Variants in BEST1 observed in about 807,000 individuals in gnomAD.
BEST1 encodes the protein bestrophin-1.
Under a neutral mutation model 63.3 loss-of-function variants are expected in BEST1, and 58 were observed. The observed-to-expected ratio is 0.92, with a 90% CI of 0.74 to 1.14. The LOEUF is 1.14. BEST1 is among the 50% of genes most tolerant of loss of function. The probability of loss-of-function intolerance (pLI) is 0.00; values close to 1 mark genes in which losing one functional copy is unlikely to be tolerated. For synonymous variants in BEST1, 283 were observed against 291.6 expected (o/e 0.97, Z 0.30); for missense variants, 671 against 740.1 (o/e 0.91, Z 1.08).
chr11:61,958,253 C>T lies in BEST1; in HGVS notation c.822C>T (p.Pro274=), dbSNP rs759678509. 17 of 1,614,102 alleles carry T rather than the reference C, an allele frequency of 1.1e-5. No homozygotes were observed. The highest frequency in any genetic ancestry group is 9.9e-5 in the South Asian group (9 of 91,094). ...GCCATGAGCTGGACCTCGTTGTGCC[C>T]GTCTTCACGTTCCTGCAGTTCTTCT... ...YPGHELDLVV[P]VFTFLQFFFY... The change falls in exon 7 of 11, where the codon CCC becomes CCT. Residue 274 remains proline, a synonymous_variant. Coordinates refer to ENST00000378043, the MANE Select transcript of BEST1 (RefSeq NM_004183.4).
At position 61,959,979 on chromosome 11, in the gene BEST1, C is replaced by G. The variant is rs1481681066; in HGVS notation, c.1036C>G (p.Pro346Ala). The G allele has an allele frequency of 1.2e-6, 2 of 1,612,560 alleles. No homozygotes were observed. Among genetic ancestry groups the G allele is most frequent in the Non-Finnish European group, 1.7e-6 (2 of 1,179,478 alleles). The change falls in exon 9 of 11, where the codon CCC becomes GCC. Residue 346 changes from proline (P) to alanine (A), a missense_variant. Physicochemically the swap from Pro to Ala is conservative, Grantham distance 27 (BLOSUM62 -1). Coordinates refer to ENST00000378043, the MANE Select transcript of BEST1 (RefSeq NM_004183.4). ...MYWNKPEPQP[P>A]YTAASAQFRR... is the part of the protein sequence containing the mutation. ...CTGGAATAAGCCCGAGCCACAGCCCCCCTACACAGCTGCTTCCGCCCAGTT... is the reference window on the plus strand; with the variant it reads ...CTGGAATAAGCCCGAGCCACAGCCCGCCTACACAGCTGCTTCCGCCCAGTT...
Position 61,951,922 on chromosome 11 carries a change from T to G in BEST1, c.116T>G (p.Phe39Cys). ...CTGCTATATGGCGAGTTCTTAATCT[T>G]CCTGCTCTGCTACTACATCATCCGC... ...YKLLYGEFLI[F>C]LLCYYIIRFI... Residue 39 changes from phenylalanine to cysteine, a missense_variant, in exon 2 of 11, where the codon TTC (phenylalanine) becomes TGC (cysteine). Phe to Cys is a radical substitution (Grantham distance 205). Transcript: ENST00000378043. 2 of 1,613,826 alleles carry G rather than the reference T, an allele frequency of 1.2e-6. No homozygotes were observed. The highest frequency in any genetic ancestry group is 1.7e-6 in the Non-Finnish European group (2 of 1,179,954).
chr11:61,958,873 G>GACACACAC (rs71471844), intron 7 of BEST1: 17 of 192,764 alleles, frequency 8.8e-5, no homozygotes, highest in African/African-American at 5.5e-4. Flanking sequence ...CTGTCACTGT[G>GACACACAC]ACACACACAC....
In BEST1 at chr11:61,955,737, C is replaced by CGT. The variant is rs1302661760; in HGVS notation, c.269_270dup (p.Thr91Ter). ...GCCCAGGCTTCTACGTGACGCTGGT[C>CGT]GTGACCCGCTGGTGGAACCAGTACG... On this transcript the variant is annotated frameshift_variant, in exon 4 of 11. Coordinates refer to ENST00000378043, the MANE Select transcript of BEST1 (RefSeq NM_004183.4). LOFTEE classifies it high-confidence loss of function. 6.5e-7 allele frequency: 1 copy of CGT among 1,546,836 alleles called. No homozygotes were observed. The highest frequency in any genetic ancestry group is 2.0e-5 in the Admixed American group (1 of 50,996).
rs281865223 is a variant in BEST1, at chr11:61,955,742, C to A, written c.272C>A (p.Thr91Asn). 6.5e-7 allele frequency: 1 copy of A among 1,548,392 alleles called. No homozygotes were observed. The highest frequency in any genetic ancestry group is 1.2e-5 in the South Asian group (1 of 83,986). ...GGCTTCTACGTGACGCTGGTCGTGA[C>A]CCGCTGGTGGAACCAGTACGAGAAC... ...VLGFYVTLVVTRWWNQYENLP... is the reference protein window; with the variant it reads ...VLGFYVTLVVNRWWNQYENLP... The change falls in exon 4 of 11, where the codon ACC (threonine) becomes AAC (asparagine). Residue 91 changes from threonine (T) to asparagine (N), a missense_variant. Physicochemically the swap from Thr to Asn is moderately conservative, Grantham distance 65. Transcript: ENST00000378043.
rs760535761 is a variant in BEST1, at chr11:61,963,045, T to A, written c.1739+152T>A. On this transcript the variant is annotated intron_variant, in intron 10 of 10. Transcript: ENST00000378043. The stretch of plus-strand genomic sequence containing the variant: ...ACGCCCAGCACTGGCTTGGGGTATA[T>A]ACTTGGCCACCTTCACAGGGATCCT... 3.3e-6 allele frequency: 5 copies of A among 1,526,814 alleles called. No homozygotes were observed. In the South Asian group the frequency reaches 6.2e-5, roughly 19 times the overall value. The allele number at this position is 1,526,814 out of a possible 1,614,324, so 94.6% of individuals were successfully genotyped here. A position where few individuals can be genotyped will look rare whatever the true frequency, so the allele number is the denominator to read the frequency against.
At chr11:61,960,414 A>G (rs1941944192) in intron 9 of BEST1, 1 of 309,680 alleles carries the variant, frequency 3.2e-6, no homozygotes, top group African/African-American at 2.2e-5. Context: ...TCTGTCGCCC[A>G]GGTTGGAGCG....
At chr11:61,951,665 G>A (rs1565382149) in intron 1 of BEST1, 106 bp from the exon 2 acceptor site, 1 of 1,164,106 alleles carries the variant, frequency 8.6e-7, no homozygotes, top group Non-Finnish European at 1.2e-6. Context: ...CCACCTCCTA[G>A]GGTCCCTATG....
intron 7 of BEST1, 188 bp downstream of exon 7, chr11:61,958,486 G>A (rs1941646818): frequency 1.3e-6 from 2 of 1,491,246 alleles, no homozygotes; most frequent in Non-Finnish European, 1.8e-6. Context: ...CTTGAACCCG[G>A]GAGGCGGAGG....
chr11:61,958,466 A>G, intron 7 of BEST1, 168 bp downstream of exon 7: 3 of 1,530,060 alleles, frequency 2.0e-6, no homozygotes, highest in Non-Finnish European at 2.6e-6. Flanking sequence ...AGGCTGAGGC[A>G]GGAGAATCGC....
intron 4 of BEST1, 118 bp from the exon 5 acceptor site, chr11:61,956,726 T>G (rs961794568): frequency 1.8e-5 from 24 of 1,302,488 alleles, no homozygotes; most frequent in Non-Finnish European, 2.2e-5. Flanking sequence ...CAGAAATTTT[T>G]TTGTTGTTGA....
intron 2 of BEST1, among the ~76,000 whole-genome samples, chr11:61,953,035 C>T (rs532684039): frequency 1.3e-5 from 2 of 152,080 alleles, no homozygotes; most frequent in South Asian, 2.1e-4. Context: ...CCTGTGAGGT[C>T]GAGGCTGCAG....
intron 3 of BEST1, 67 bp from the exon 4 acceptor site, chr11:61,955,651 G>T: frequency 6.8e-7 from 1 of 1,480,732 alleles, no homozygotes; most frequent in Non-Finnish European, 9.2e-7. Context: ...GCATCGCCGG[G>T]CGCTGGGCCC....
chr11:61,962,405 G>A lies in BEST1; in HGVS notation c.1251G>A (p.Arg417=). ...NSRTKLLWPK[R]ESLLHEGLPK... ...GGACCAAACTACTGTGGCCCAAGAG[G>A]GAATCCCTTCTCCACGAGGGCCTGC... The change falls in exon 10 of 11, where the codon AGG becomes AGA. Residue 417 remains arginine (R), a synonymous_variant. Coordinates refer to ENST00000378043, the MANE Select transcript of BEST1 (RefSeq NM_004183.4). The A allele has an allele frequency of 1.9e-6, 3 of 1,614,158 alleles. No individual in the cohort carries two copies. The highest frequency in any genetic ancestry group is 2.5e-6 in the Non-Finnish European group (3 of 1,180,022).
At chr11:61,958,069 A>G in intron 6 of BEST1, 77 bp from the exon 7 acceptor site, 1 of 1,608,092 alleles carries the variant, frequency 6.2e-7, no homozygotes, top group Non-Finnish European at 8.5e-7. Context: ...CCTGTCTCAG[A>G]CTCCCAGCCC....
intron 6 of BEST1, 105 bp downstream of exon 6, chr11:61,957,569 C>T: frequency 9.1e-7 from 1 of 1,101,894 alleles, no homozygotes; most frequent in Non-Finnish European, 1.4e-6. Context: ...AGTGGCTCCC[C>T]TGGGAGTTGG....
rs762398929 is a variant in BEST1, at chr11:61,962,704, C to G, written c.1550C>G (p.Ser517Ter). 1.1e-5 allele frequency: 18 copies of G among 1,614,198 alleles called. No homozygotes were observed. Among genetic ancestry groups the G allele is most frequent in the Admixed American group, 1.7e-5 (1 of 60,014 alleles). Reference protein sequence around the residue: ...SGAKKSFELLSESDGALMEHP... With the variant: ...SGAKKSFELL Reference sequence around the variant, plus strand: ...GCCAAGAAAAGTTTTGAATTGCTCTCAGAGAGCGATGGGGCCTTGATGGAG... The same window carrying G: ...GCCAAGAAAAGTTTTGAATTGCTCTGAGAGAGCGATGGGGCCTTGATGGAG... The change falls in exon 10 of 11, where the codon TCA becomes TGA. Residue 517 changes from serine to a stop codon, truncating the protein, a stop_gained. Coordinates refer to ENST00000378043, the MANE Select transcript of BEST1 (RefSeq NM_004183.4). LOFTEE classifies it high-confidence loss of function.
intron 10 of BEST1, 133 bp downstream of exon 10, chr11:61,963,026 A>G (rs768181955): frequency 5.9e-5 from 93 of 1,567,502 alleles, no homozygotes; most frequent in Non-Finnish European, 7.8e-5. Flanking sequence ...ACCTACGCCC[A>G]GCACTGGCTT....
downstream of BEST1, chr11:61,964,802 C>T (rs1942404420): frequency 6.2e-7 from 1 of 1,600,158 alleles, no homozygotes; most frequent in Non-Finnish European, 8.5e-7. Context: ...CGGGCGCTCC[C>T]ATCTTGCGCA....
Sources: allele counts gnomAD v4.1 joint callset (sites outside exome capture counted in the v4.1 genomes callset), GRCh38; gene constraint gnomAD v4.1.1; transcripts MANE v1.5; gene names NCBI Gene and HGNC (gene_info 2026-07-23, HGNC 2026-07-21).